PIK3R6: variants seen among roughly 807,000 people sequenced by gnomAD.
The protein encoded by PIK3R6 is phosphoinositide 3-kinase regulatory subunit 6.
PIK3R6 carries 91 observed loss-of-function variants against 84.9 expected under a neutral mutation model. That is an observed-to-expected ratio of 1.07 (90% CI 0.90 to 1.28). The LOEUF (loss-of-function observed/expected upper bound fraction) is 1.28. PIK3R6 is among the 50% of genes most tolerant of loss of function. The probability of loss-of-function intolerance (pLI) is 0.00; values close to 1 mark genes in which losing one functional copy is unlikely to be tolerated. For missense variants in PIK3R6, 996 were observed against 985.1 expected (o/e 1.01, Z -0.15); for synonymous variants, 416 against 411.4 (o/e 1.01, Z -0.13).
chr17:8,841,142 C>G (rs1435661636), intron 2 of PIK3R6, among the ~76,000 whole-genome samples: 1 of 152,112 alleles, frequency 6.6e-6, no homozygotes, highest in African/African-American at 2.4e-5. Context: ...CTACAGCACC[C>G]TGTCTTTTCT....
intron 2 of PIK3R6, among the ~76,000 whole-genome samples, chr17:8,848,662 A>G (rs2088868370): frequency 6.6e-6 from 1 of 152,184 alleles, no homozygotes. Context: ...AACATTGCCA[A>G]TATGCAGTGC....
At chr17:8,814,163 C>A (rs1047740200) in intron 18 of PIK3R6, among the ~76,000 whole-genome samples, 2 of 149,762 alleles carry the variant, frequency 1.3e-5, no homozygotes, top group African/African-American at 4.9e-5. Flanking sequence ...CACTGAGAAG[C>A]CCACCATTGA....
chr17:8,860,068 C>T (rs1399115631), intron 1 of PIK3R6, among the ~76,000 whole-genome samples: 2 of 152,206 alleles, frequency 1.3e-5, no homozygotes, highest in African/African-American at 2.4e-5. Context: ...TTTTAAAATT[C>T]ACTTTTCACA....
intron 1 of PIK3R6, among the ~76,000 whole-genome samples, chr17:8,856,973 C>A (rs923380789): frequency 1.5e-5 from 1 of 65,496 alleles, no homozygotes; most frequent in East Asian, 2.0e-4. Context: ...TTTGCACACC[C>A]CTGCCTGGAG....
chr17:8,852,256 C>T (rs544503810), intron 1 of PIK3R6, among the ~76,000 whole-genome samples: 1 of 152,124 alleles, frequency 6.6e-6, no homozygotes, highest in African/African-American at 2.4e-5. Flanking sequence ...GAATTATATA[C>T]TTAAAAATGG....
In PIK3R6 at chr17:8,862,739, C is replaced by T. The variant is rs377691376; in HGVS notation, c.-92+4790G>A. ...AAAATTCCTCTCCCTCCCCCCGTAG[C>T]GCAAGAATACGACATTACAGGACAG... On this transcript the variant is annotated intron_variant, in intron 1 of 19. Transcript: ENST00000619866. The surrounding 1 kb of genome is among the most constrained non-coding windows in gnomAD (Gnocchi z 4.3). Among the ~76,000 whole-genome samples, 268 of 152,226 alleles carry T rather than the reference C, an allele frequency of 1.8e-3. 1 individual carries two copies. The highest frequency in any genetic ancestry group is 5.9e-3 in the African/African-American group (243 of 41,524).
intron 18 of PIK3R6, among the ~76,000 whole-genome samples, chr17:8,806,893 A>G (rs534571081): frequency 3.5e-4 from 54 of 152,290 alleles, no homozygotes; most frequent in African/African-American, 1.2e-3. Flanking sequence ...CATCCAGTCC[A>G]TGTGGACAAA....
intron 1 of PIK3R6, among the ~76,000 whole-genome samples, chr17:8,863,334 T>G (rs557294916): frequency 9.9e-5 from 15 of 152,260 alleles, no homozygotes; most frequent in Admixed American, 2.6e-4. Context: ...AATTAACATA[T>G]CCATCTAATA....
In PIK3R6 at chr17:8,861,387, C is replaced by T. The variant is rs115426118; in HGVS notation, c.-92+6142G>A. On this transcript the variant is annotated intron_variant, in intron 1 of 19. Transcript: ENST00000619866. ...GTACTTCTCCCTAGCACCCGATGCCCTATACAGCAATCCTCCCTTATCTGC... is the reference window on the plus strand; with the variant it reads ...GTACTTCTCCCTAGCACCCGATGCCTTATACAGCAATCCTCCCTTATCTGC... Among the ~76,000 whole-genome samples the T allele has an allele frequency of 7.7e-3, 1,170 of 152,252 alleles. 12 individuals are homozygous for T. Among genetic ancestry groups the T allele is most frequent in the African/African-American group, 0.027 (1,103 of 41,542 alleles).
chr17:8,827,973 C>G (rs958105655), intron 12 of PIK3R6, 139 bp downstream of exon 12: 2 of 852,172 alleles, frequency 2.3e-6, no homozygotes, highest in South Asian at 3.4e-5. Flanking sequence ...AGACCGCTGA[C>G]CTCTCTCCCG....
At chr17:8,811,294 C>T (rs769945065) in intron 18 of PIK3R6, among the ~76,000 whole-genome samples, 13 of 148,264 alleles carry the variant, frequency 8.8e-5, no homozygotes, top group Non-Finnish European at 1.6e-4. Flanking sequence ...CTGGGCCCAG[C>T]CCATGAAACC....
intron 1 of PIK3R6, among the ~76,000 whole-genome samples, chr17:8,865,701 C>G (rs942357240): frequency 6.6e-6 from 1 of 151,106 alleles, no homozygotes; most frequent in African/African-American, 2.4e-5. Flanking sequence ...CCTGAGGGGG[C>G]CCCCTCAACC....
chr17:8,818,174 G>C (rs1425955776), intron 18 of PIK3R6, among the ~76,000 whole-genome samples: 2 of 152,218 alleles, frequency 1.3e-5, no homozygotes, highest in African/African-American at 4.8e-5. Context: ...TGGGCATACA[G>C]ACTAAGCAGG....
chr17:8,864,397 T>C (rs948451142), intron 1 of PIK3R6, among the ~76,000 whole-genome samples: 1 of 152,010 alleles, frequency 6.6e-6, no homozygotes. Flanking sequence ...GTAATAGAGT[T>C]CTTTGTCTCT....
chr17:8,851,422 G>A (rs1036467427), intron 1 of PIK3R6, among the ~76,000 whole-genome samples: 12 of 152,214 alleles, frequency 7.9e-5, no homozygotes, highest in Middle Eastern at 6.8e-3. Context: ...CGTGAACCCC[G>A]GGAGGCGGAG....
At chr17:8,822,035 A>G in intron 16 of PIK3R6, 99 bp from the exon 17 acceptor site, 1 of 658,442 alleles carries the variant, frequency 1.5e-6, no homozygotes, top group Non-Finnish European at 2.2e-6. Flanking sequence ...CCTGTTTTCC[A>G]CCCCTGCTGT....
rs2088766936 is a variant in PIK3R6, at chr17:8,844,390, A to T, written c.14-4693T>A. On this transcript the variant is annotated intron_variant, in intron 2 of 19. Coordinates refer to ENST00000619866, the MANE Select transcript of PIK3R6 (RefSeq NM_001010855.4). This position sits in a 1 kb window ranked among gnomAD's most constrained non-coding sequence, Gnocchi z 4.5. ...GAGTTCATCCTAACCTTGGAATATG[A>T]GAGGTTGAAGCTGGTTTTGATTTGA... Among the ~76,000 whole-genome samples, 1 of 152,176 alleles carries T rather than the reference A, an allele frequency of 6.6e-6. No individual in the cohort carries two copies. The highest frequency in any genetic ancestry group is 2.4e-5 in the African/African-American group (1 of 41,438).
chr17:8,819,684 A>ATATATATATG (rs2087655526), intron 17 of PIK3R6, among the ~76,000 whole-genome samples: 1 of 139,360 alleles, frequency 7.2e-6, no homozygotes, highest in African/African-American at 2.8e-5. Context: ...ATATATATAT[A>ATATATATATG]TATATACACA....
intron 17 of PIK3R6, among the ~76,000 whole-genome samples, chr17:8,821,643 G>T (rs1021540506): frequency 6.6e-6 from 1 of 152,032 alleles, no homozygotes; most frequent in African/African-American, 2.4e-5. Flanking sequence ...GTCTCAGCAG[G>T]CTGCTGAGGC....
Sources: gnomAD v4.1 joint callset for allele counts (sites outside exome capture counted in the v4.1 genomes callset) on GRCh38, gnomAD v4.1.1 for gene constraint, Gnocchi (gnomAD v3.1) non-coding constraint, MANE v1.5 for transcripts, NCBI Gene and HGNC (gene_info 2026-07-23, HGNC 2026-07-21) for gene names.